LRRC56: variants seen among roughly 807,000 people sequenced by gnomAD.
LRRC56 encodes the protein leucine-rich repeat-containing protein 56.
LRRC56 carries 41 observed loss-of-function variants against 47.8 expected under a neutral mutation model. The ratio of observed to expected loss-of-function variants is 0.86; its 90% CI spans 0.67 to 1.11. The LOEUF (loss-of-function observed/expected upper bound fraction) is 1.11. LRRC56 is among the 50% of genes most tolerant of loss of function. The probability of loss-of-function intolerance (pLI) is 0.00; values close to 1 mark genes in which losing one functional copy is unlikely to be tolerated. For missense variants in LRRC56, 759 were observed against 704.2 expected, an observed-to-expected ratio of 1.08 and a Z score of -0.88; for synonymous variants, 387 against 311.2, an observed-to-expected ratio of 1.24 and a Z score of -2.56.
intron 6 of LRRC56, among the ~76,000 whole-genome samples, chr11:546,041 T>G (rs577582928): frequency 6.6e-6 from 1 of 152,176 alleles, no homozygotes; most frequent in East Asian, 1.9e-4. Flanking sequence ...GAGGCCGAGG[T>G]GGGCAGATCA....
intron 3 of LRRC56, 96 bp from the exon 4 acceptor site, chr11:540,578 G>A (rs564045756): frequency 1.4e-4 from 151 of 1,074,762 alleles, no homozygotes; most frequent in African/African-American, 1.1e-3. Context: ...TTGCTGTGAC[G>A]GGGGCGGGGG....
the LRRC56 span, among the ~76,000 whole-genome samples, chr11:511,807 CTG>C: frequency 1.3e-5 from 2 of 152,204 alleles, no homozygotes; most frequent in African/African-American, 4.8e-5. Context: ...CTGTCAGACA[CTG>C]AGCTAGCCTC....
In LRRC56 at chr11:551,260, G is replaced by A; in HGVS notation, c.754G>A (p.Val252Met). Residue 252 changes from valine (V) to methionine (M), a missense_variant, in exon 9 of 14, where the codon GTG becomes ATG. Val to Met is a conservative substitution (Grantham distance 21). Transcript: ENST00000270115. ...PPRLSQDWLA[V>M]KEAIKKGNGL... ...GCGGCTGAGCCAGGACTGGCTTGCG[G>A]TGAAGGAGGCCATCAAGAAGGGCAA... 2.6e-6 allele frequency: 4 copies of A among 1,540,250 alleles called. No individual in the cohort carries two copies. Among genetic ancestry groups the A allele is most frequent in the Non-Finnish European group, 3.5e-6 (4 of 1,139,560 alleles).
At chr11:535,876 G>A (rs983293427), upstream of LRRC56, among the ~76,000 whole-genome samples, 7 of 152,114 alleles carry the variant, frequency 4.6e-5, no homozygotes, top group East Asian at 1.9e-4. Context: ...GGAACAGGCC[G>A]GCGAGAGAAC....
chr11:552,213 T>C lies in LRRC56; in HGVS notation c.1162T>C (p.Trp388Arg). Residue 388 changes from tryptophan (W) to arginine (R), a missense_variant, in exon 12 of 14, where the codon TGG (tryptophan) becomes CGG (arginine). Transcript: ENST00000270115. ...DFLALAGLRA[W>R]REHGVRPLPY... ...CCTGGCCTTGGCTGGGCTCAGGGCC[T>C]GGAGGGAACATGGCGTGCGGTGGGT... 1 of 1,611,828 alleles carries C rather than the reference T, an allele frequency of 6.2e-7. No individual in the cohort carries two copies. The highest frequency in any genetic ancestry group is 8.5e-7 in the Non-Finnish European group (1 of 1,179,260).
chr11:541,459 G>A lies in LRRC56; in HGVS notation c.178-78G>A. 2.4e-6 allele frequency: 2 copies of A among 831,378 alleles called. No homozygotes were observed. The highest frequency in any genetic ancestry group is 2.1e-5 in the South Asian group (1 of 46,984). 51.5% of individuals were successfully genotyped at this position (831,378 alleles called of 1,614,324 possible). A position where few individuals can be genotyped will look rare whatever the true frequency, so the allele number is the denominator to read the frequency against. ...TGCCTGCTCCAGCGGGAGCCCCAGA[G>A]TCCTGTAGCCAGAAGCAAGGATGGA... is the stretch of plus-strand genomic sequence containing the variant. On this transcript the variant is annotated intron_variant, in intron 4 of 13. Coordinates refer to ENST00000270115, the MANE Select transcript of LRRC56 (RefSeq NM_198075.4). This position sits in a 1 kb window ranked among gnomAD's most constrained non-coding sequence, Gnocchi z 4.1.
chr11:542,346 C>T (rs1851835374), intron 5 of LRRC56, among the ~76,000 whole-genome samples: 2 of 152,136 alleles, frequency 1.3e-5, no homozygotes, highest in Non-Finnish European at 2.9e-5. Context: ...GCACAGGGGC[C>T]ACGCCTGTAA....
chr11:515,530 T>TA, the LRRC56 span, among the ~76,000 whole-genome samples: 4 of 152,200 alleles, frequency 2.6e-5, no homozygotes, highest in East Asian at 7.7e-4. Flanking sequence ...TTGTAGGCCT[T>TA]ACATTTTGGC....
chr11:509,511 G>A, the LRRC56 span, among the ~76,000 whole-genome samples: 2 of 152,134 alleles, frequency 1.3e-5, no homozygotes. Context: ...CTCCCTCCTG[G>A]ACAGTGCGGC....
rs1317263095 is a variant in LRRC56, at chr11:544,743, CA to C, written c.291del (p.Gln97HisfsTer2). ...AGGGGTGCACCTGCCCAACCTGGAC[CA>C]ACTGAAGCTGAACGGCAGCCACCTG... ...NFGVHLPNLD[Q>X]LKLNGSHLGS... is the part of the protein sequence containing the mutation. On this transcript the variant is annotated frameshift_variant, in exon 6 of 14. Transcript: ENST00000270115. LOFTEE classifies it high-confidence loss of function. The C allele has an allele frequency of 6.2e-7, 1 of 1,612,464 alleles. No homozygotes were observed. The highest frequency in any genetic ancestry group is 1.7e-5 in the Admixed American group (1 of 59,976).
At chr11:512,801 T>C in the LRRC56 span, among the ~76,000 whole-genome samples, 2 of 152,234 alleles carry the variant, frequency 1.3e-5, no homozygotes, top group Non-Finnish European at 2.9e-5. Flanking sequence ...CGCCTTCTAG[T>C]TGATGGAGGG....
the LRRC56 span, among the ~76,000 whole-genome samples, chr11:519,007 C>A: frequency 1.3e-5 from 2 of 152,274 alleles, no homozygotes; most frequent in South Asian, 2.1e-4. Flanking sequence ...CGCGAGGCGC[C>A]GCACGGGGGA....
chr11:511,147 G>C, the LRRC56 span, among the ~76,000 whole-genome samples: 37 of 150,944 alleles, frequency 2.5e-4, 1 homozygote, highest in Middle Eastern at 6.8e-3. Flanking sequence ...CGGTAAAACC[G>C]CGTCTCTACT....
Position 554,235 on chromosome 11 carries a change from A to C in LRRC56, c.1588A>C (p.Arg530=). 1.3e-6 allele frequency: 2 copies of C among 1,513,740 alleles called. No individual in the cohort carries two copies. Among genetic ancestry groups the C allele is most frequent in the South Asian group, 2.6e-5 (2 of 77,574 alleles). The allele number at this position is 1,513,740 out of a possible 1,614,324, so 93.8% of individuals were successfully genotyped here. A position where few individuals can be genotyped will look rare whatever the true frequency, so the allele number is the denominator to read the frequency against. Residue 530 remains arginine (R), a synonymous_variant, in exon 14 of 14, where the codon AGG becomes CGG. Coordinates refer to ENST00000270115, the MANE Select transcript of LRRC56 (RefSeq NM_198075.4). ...PAPDAAARPP[R]AAELSHPSPV... is the part of the protein sequence containing the mutation. ...ACCAGATGCAGCAGCTAGACCTCCCAGGGCAGCTGAACTCTCTCACCCCAG... is the reference window on the plus strand; with the variant it reads ...ACCAGATGCAGCAGCTAGACCTCCCCGGGCAGCTGAACTCTCTCACCCCAG...
chr11:551,906 C>T lies in LRRC56; in HGVS notation c.977C>T (p.Ala326Val). The T allele has an allele frequency of 1.9e-6, 3 of 1,612,662 alleles. No individual in the cohort carries two copies. Among genetic ancestry groups the T allele is most frequent in the East Asian group, 4.5e-5 (2 of 44,874 alleles). ...CCAGCCATGCTGTCTCTTGCAGGTGCTGGCCAAGTCCTCTGTGGGAACCCC... is the reference window on the plus strand; with the variant it reads ...CCAGCCATGCTGTCTCTTGCAGGTGTTGGCCAAGTCCTCTGTGGGAACCCC... ...EDNTSSLTHG[A>V]GQVLCGNPTK... Residue 326 changes from alanine to valine, a missense_variant, in exon 11 of 14, where the codon GCT (alanine) becomes GTT (valine). Coordinates refer to ENST00000270115, the MANE Select transcript of LRRC56 (RefSeq NM_198075.4).
At chr11:553,478 G>A (rs530306939) in intron 13 of LRRC56, among the ~76,000 whole-genome samples, 21 of 152,272 alleles carry the variant, frequency 1.4e-4, no homozygotes, top group Admixed American at 1.2e-3. Context: ...GTGACCTGCA[G>A]GGGTGGAGGG....
Position 552,140 on chromosome 11 carries a change from C to T in LRRC56, c.1089C>T (p.Ala363=), listed in dbSNP as rs374480929. ...CCCAACACAGGCCAGGAGATCCGGC[C>T]GCCAGCACTTCCACCCCAGAGCCTG... ...QLPQHRPGDP[A]ASTSTPEPDP... Residue 363 remains alanine, a synonymous_variant, in exon 12 of 14, where the codon GCC becomes GCT. Coordinates refer to ENST00000270115, the MANE Select transcript of LRRC56 (RefSeq NM_198075.4). 1.6e-5 allele frequency: 25 copies of T among 1,612,538 alleles called. No individual in the cohort carries two copies. The highest frequency in any genetic ancestry group is 1.5e-4 in the Admixed American group (9 of 59,990).
rs754071643 is a variant in LRRC56, at chr11:552,043, G to A, written c.1039-47G>A. On this transcript the variant is annotated intron_variant, in intron 11 of 13. Transcript: ENST00000270115. ...GGCCCTGACAGTGCCCTGCCCTGCC[G>A]CCATTCCAGGGCCAGAATCCCTAAA... 1.1e-5 allele frequency: 18 copies of A among 1,604,384 alleles called. No individual in the cohort carries two copies. The Middle Eastern group carries it at 5.0e-4, about 44-fold the overall frequency.
rs576330767 is a variant in LRRC56, at chr11:540,739, C to A, written c.55C>A (p.Arg19=). The A allele has an allele frequency of 6.8e-6, 11 of 1,611,094 alleles. No individual in the cohort carries two copies. Among genetic ancestry groups the A allele is most frequent in the East Asian group, 2.2e-5 (1 of 44,882 alleles). Reference sequence around the variant, plus strand: ...GCCTCGGCGGAGCACCTCCAGCGTCCGGGTGCGGGAGCTGAGCTGGCAAGG... The same window carrying A: ...GCCTCGGCGGAGCACCTCCAGCGTCAGGGTGCGGGAGCTGAGCTGGCAAGG... ...RGPRRSTSSV[R]VRELSWQGLH... Residue 19 remains arginine, a synonymous_variant, in exon 4 of 14, where the codon CGG becomes AGG. Transcript: ENST00000270115.
Sources: gnomAD v4.1 joint callset for allele counts (sites outside exome capture counted in the v4.1 genomes callset) on GRCh38, gnomAD v4.1.1 for gene constraint, Gnocchi (gnomAD v3.1) non-coding constraint, MANE v1.5 for transcripts, NCBI Gene and HGNC (gene_info 2026-07-23, HGNC 2026-07-21) for gene names.